RARB: variants seen among roughly 807,000 people sequenced by gnomAD.
The protein encoded by RARB is HBV-activated protein.
Under a neutral mutation model 51.9 loss-of-function variants are expected in RARB, and 17 were observed. The observed-to-expected ratio is 0.33, with a 90% confidence interval of 0.22 to 0.49. RARB has a LOEUF of 0.49. Among genes scored for constraint, RARB ranks in the 20% least tolerant of loss-of-function variants. The probability of loss-of-function intolerance (pLI) is 0.99; values close to 1 mark genes in which losing one functional copy is unlikely to be tolerated. For synonymous variants in RARB, 215 were observed against 195.4 expected, an observed-to-expected ratio of 1.10 and a Z score of -0.84; for missense variants, 369 against 550.8, an observed-to-expected ratio of 0.67 and a Z score of 3.30.
intron 1 of RARB, among the ~76,000 whole-genome samples, chr3:24,856,481 C>T (rs1376939782): frequency 1.3e-5 from 2 of 152,168 alleles, no homozygotes; most frequent in African/African-American, 4.8e-5. Flanking sequence ...TTATACTGTA[C>T]CTGACTATCT....
At chr3:25,341,422 G>T (rs765920300) in intron 5 of RARB, among the ~76,000 whole-genome samples, 1 of 152,176 alleles carries the variant, frequency 6.6e-6, no homozygotes, top group Non-Finnish European at 1.5e-5. Context: ...TTCAGGGTGA[G>T]AGCCAGAGAG....
intron 2 of RARB, among the ~76,000 whole-genome samples, chr3:24,873,949 G>A (rs1702995114): frequency 6.6e-6 from 1 of 151,862 alleles, no homozygotes; most frequent in Admixed American, 6.6e-5. Flanking sequence ...AAATGTTCAG[G>A]GGAAAAGTTA....
intron 2 of RARB, among the ~76,000 whole-genome samples, chr3:24,941,145 T>C (rs1189541002): frequency 6.6e-6 from 1 of 152,046 alleles, no homozygotes; most frequent in African/African-American, 2.4e-5. Context: ...TTTGAACTAA[T>C]AGAGACTGCA....
intron 5 of RARB, among the ~76,000 whole-genome samples, chr3:25,228,716 T>C (rs1439966305): frequency 6.6e-6 from 1 of 152,110 alleles, no homozygotes; most frequent in Non-Finnish European, 1.5e-5. Flanking sequence ...AAGTTCTCTA[T>C]GTGTGACTTT....
At chr3:24,854,589 A>T (rs889025084) in intron 1 of RARB, among the ~76,000 whole-genome samples, 8 of 152,140 alleles carry the variant, frequency 5.3e-5, no homozygotes, top group Admixed American at 4.6e-4. Flanking sequence ...GAAACTCTGG[A>T]GGTGCAATCT....
chr3:24,928,920 G>C lies in RARB; in HGVS notation c.-380+70168G>C, dbSNP rs1695382100. 3.3e-5 allele frequency among the ~76,000 whole-genome samples: 5 copies of C among 152,010 alleles called. No individual in the cohort carries two copies. The South Asian group carries it at 1.0e-3, about 32-fold the overall frequency. Reference sequence around the variant, plus strand: ...TTTTAAGAAAGCAATTATGTACTTAGAAATACCAAACTTTGAAACAGAAAA... The same window carrying C: ...TTTTAAGAAAGCAATTATGTACTTACAAATACCAAACTTTGAAACAGAAAA... On this transcript the variant is annotated intron_variant, in intron 2 of 11. Coordinates refer to the RARB transcript ENST00000383772.
chr3:25,595,268 C>T (rs1251554615), intron 7 of RARB, among the ~76,000 whole-genome samples: 1 of 152,152 alleles, frequency 6.6e-6, no homozygotes, highest in Non-Finnish European at 1.5e-5. Flanking sequence ...AGAGACAACT[C>T]AGCAGCTATC....
At chr3:25,293,761 T>C (rs79311549) in intron 5 of RARB, among the ~76,000 whole-genome samples, 4 of 152,118 alleles carry the variant, frequency 2.6e-5, no homozygotes, top group Admixed American at 1.3e-4. Context: ...AAAGGTGGTA[T>C]GTGTTTGTCT....
At chr3:25,178,960 T>C (rs1356771090) in intron 5 of RARB, among the ~76,000 whole-genome samples, 2 of 152,198 alleles carry the variant, frequency 1.3e-5, no homozygotes, top group African/African-American at 2.4e-5. Context: ...CTGGAAAATA[T>C]TGTTAAGTGT....
intron 5 of RARB, among the ~76,000 whole-genome samples, chr3:25,291,479 T>A (rs1469424161): frequency 6.7e-6 from 1 of 149,528 alleles, no homozygotes; most frequent in African/African-American, 2.5e-5. Context: ...ATGTTTGCTT[T>A]TTTTTTTTTT....
intron 1 of RARB, among the ~76,000 whole-genome samples, chr3:24,848,738 A>G (rs1037867693): frequency 6.6e-6 from 1 of 152,130 alleles, no homozygotes; most frequent in African/African-American, 2.4e-5. Context: ...TCTATATCCC[A>G]TCTGTTTCCA....
rs771847176 is a variant in RARB at position 25,467,226 on chromosome 3, A to G, written c.306+5885A>G. The stretch of plus-strand genomic sequence containing the variant: ...TGGAGAGGTTTCTGGAACATAGTCT[A>G]TGCTGTTGTATCAGTTAGCTTCTTC... On this transcript the variant is annotated intron_variant, in intron 2 of 7. Coordinates refer to ENST00000330688, the MANE Select transcript of RARB (RefSeq NM_000965.5). 3.5e-4 allele frequency among the ~76,000 whole-genome samples: 53 copies of G among 152,264 alleles called. 1 individual carries two copies. Among genetic ancestry groups the G allele is most frequent in the Admixed American group, 5.9e-4 (9 of 15,290 alleles).
intron 1 of RARB, among the ~76,000 whole-genome samples, chr3:24,853,686 C>T (rs1326041221): frequency 6.6e-6 from 1 of 152,218 alleles, no homozygotes; most frequent in Non-Finnish European, 1.5e-5. Context: ...AGCCATTAAA[C>T]TTCTCATTCA....
At chr3:25,444,228 C>T (rs552674368) in intron 1 of RARB, among the ~76,000 whole-genome samples, 1 of 152,242 alleles carries the variant, frequency 6.6e-6, no homozygotes, top group South Asian at 2.1e-4. Context: ...CCTTGAATCT[C>T]CCGAGTAGGA....
chr3:25,131,150 A>G (rs964886063), intron 3 of RARB, among the ~76,000 whole-genome samples: 10 of 152,100 alleles, frequency 6.6e-5, no homozygotes, highest in Admixed American at 3.3e-4. Flanking sequence ...ATCTTAGGAC[A>G]TGCCCAGAAA....
intron 3 of RARB, among the ~76,000 whole-genome samples, chr3:25,090,232 T>C (rs1043202284): frequency 6.6e-6 from 1 of 152,120 alleles, no homozygotes; most frequent in African/African-American, 2.4e-5. Flanking sequence ...ATAAACCCTC[T>C]GAGAACCATG....
chr3:25,400,448 G>T (rs765026178), intron 5 of RARB, among the ~76,000 whole-genome samples: 2 of 152,164 alleles, frequency 1.3e-5, no homozygotes, highest in Non-Finnish European at 2.9e-5. Flanking sequence ...GTGACGTGTT[G>T]TTCTGTGAAA....
At chr3:25,224,657 G>C (rs562147988) in intron 5 of RARB, among the ~76,000 whole-genome samples, 1 of 152,196 alleles carries the variant, frequency 6.6e-6, no homozygotes, top group East Asian at 1.9e-4. Context: ...GCTCAGGCTG[G>C]AGTGCAGTGG....
chr3:25,085,529 C>G (rs186940008), intron 3 of RARB, among the ~76,000 whole-genome samples: 11 of 152,186 alleles, frequency 7.2e-5, no homozygotes, highest in Admixed American at 7.2e-4. Context: ...TTTTCTTACT[C>G]TAGGCTCTCA....
Sources: gnomAD v4.1 joint callset for allele counts (sites outside exome capture counted in the v4.1 genomes callset) on GRCh38, gnomAD v4.1.1 for gene constraint, MANE v1.5 for transcripts, NCBI Gene and HGNC (gene_info 2026-07-23, HGNC 2026-07-21) for gene names.